The following DRC11L variants were observed in gnomAD, a reference collection of about 807,000 sequenced individuals.
The protein encoded by DRC11L is dynein regulatory complex subunit like-11.
chr7:151,198,227 T>C, the DRC11L span, among the ~76,000 whole-genome samples: 1 of 126,392 alleles, frequency 7.9e-6, no homozygotes, highest in African/African-American at 3.1e-5. Context: ...GATGGACAGA[T>C]GGATAGACAG....
At chr7:151,204,044 G>A in the DRC11L span, among the ~76,000 whole-genome samples, 26 of 152,176 alleles carry the variant, frequency 1.7e-4, no homozygotes, top group Admixed American at 6.5e-4. Flanking sequence ...TAAAAATGCA[G>A]GTGCAGATTT....
chr7:151,197,113 C>T, the DRC11L span: 1 of 396,874 alleles, frequency 2.5e-6, no homozygotes, highest in East Asian at 3.6e-5. Context: ...AGACTCTGGC[C>T]CTAATCTTAC....
At chr7:151,205,471 C>T in the DRC11L span, 7 of 399,070 alleles carry the variant, frequency 1.8e-5, no homozygotes, top group South Asian at 1.3e-4. Flanking sequence ...CACTCCTCCA[C>T]GCTGCCCCTT....
the DRC11L span, among the ~76,000 whole-genome samples, chr7:151,199,702 C>T: frequency 6.6e-6 from 1 of 152,110 alleles, no homozygotes; most frequent in East Asian, 1.9e-4. This position sits in a 1 kb window ranked among gnomAD's most constrained non-coding sequence, Gnocchi z 5.2. Context: ...CCTCCAATCC[C>T]TCCAGTCCCC....
At chr7:151,198,838 T>C in the DRC11L span, 1 of 399,096 alleles carries the variant, frequency 2.5e-6, no homozygotes, top group Non-Finnish European at 4.4e-6. Context: ...TCCTTCATTT[T>C]CTCCTTCATG....
the DRC11L span, chr7:151,192,945 C>T: frequency 2.5e-6 from 1 of 398,286 alleles, no homozygotes. Flanking sequence ...ACCTTGGAGC[C>T]CCGTCTCCAC....
chr7:151,191,568 G>A, the DRC11L span: 1,382 of 398,650 alleles, frequency 3.5e-3, 16 homozygotes, highest in African/African-American at 0.024. Flanking sequence ...AGAGGGGTCC[G>A]AGTTGTGCTT....
At chr7:151,200,607 C>T in the DRC11L span, among the ~76,000 whole-genome samples, 1 of 152,100 alleles carries the variant, frequency 6.6e-6, no homozygotes, top group Non-Finnish European at 1.5e-5. Context: ...CAGGTGCACA[C>T]TGAGCACAAA....
the DRC11L span, among the ~76,000 whole-genome samples, chr7:151,199,173 A>G: frequency 7.2e-5 from 11 of 152,170 alleles, no homozygotes; most frequent in African/African-American, 1.7e-4. This position sits in a 1 kb window ranked among gnomAD's most constrained non-coding sequence, Gnocchi z 5.2. Context: ...GCATGCCTGC[A>G]TCGGGAGAAA....
chr7:151,193,933 G>C, the DRC11L span, among the ~76,000 whole-genome samples: 2 of 151,936 alleles, frequency 1.3e-5, no homozygotes, highest in Non-Finnish European at 2.9e-5. Flanking sequence ...GGAAGGCATG[G>C]GATAAATCAC....
chr7:151,201,058 C>T, the DRC11L span, among the ~76,000 whole-genome samples: 6 of 152,372 alleles, frequency 3.9e-5, no homozygotes, highest in Non-Finnish European at 8.8e-5. The surrounding 1 kb of genome is among the most constrained non-coding windows in gnomAD (Gnocchi z 4.1). Flanking sequence ...CGTCCTCTTT[C>T]TCCCAGGCCC....
the DRC11L span, among the ~76,000 whole-genome samples, chr7:151,201,048 C>A: frequency 6.6e-6 from 1 of 152,164 alleles, no homozygotes; most frequent in African/African-American, 2.4e-5. The surrounding 1 kb of genome is among the most constrained non-coding windows in gnomAD (Gnocchi z 4.1). Context: ...GAGCTGGACG[C>A]GTCCTCTTTC....
At chr7:151,191,589 A>C in the DRC11L span, 1 of 398,602 alleles carries the variant, frequency 2.5e-6, no homozygotes, top group Non-Finnish European at 4.4e-6. Context: ...CAGGGGGCTG[A>C]CTCCCCAAGG....
chr7:151,201,982 A>G, the DRC11L span, among the ~76,000 whole-genome samples: 2 of 152,226 alleles, frequency 1.3e-5, no homozygotes, highest in African/African-American at 4.8e-5. The surrounding 1 kb of genome is among the most constrained non-coding windows in gnomAD (Gnocchi z 4.1). Context: ...ATCAAGGCCA[A>G]CAGCAGAGGC....
chr7:151,197,735 C>T, the DRC11L span: 1 of 393,400 alleles, frequency 2.5e-6, no homozygotes, highest in Non-Finnish European at 4.5e-6. Context: ...TTGAGGCTGA[C>T]CCCCTACCCC....
At chr7:151,204,513 G>C in the DRC11L span, 1 of 398,836 alleles carries the variant, frequency 2.5e-6, no homozygotes, top group Non-Finnish European at 4.4e-6. Context: ...ACGTACTGGG[G>C]TGAGCTTGAA....
chr7:151,195,219 A>G, the DRC11L span, among the ~76,000 whole-genome samples: 2 of 152,164 alleles, frequency 1.3e-5, no homozygotes, highest in Non-Finnish European at 2.9e-5. Context: ...TCACGTACAG[A>G]GCCCTTTCTT....
chr7:151,191,756 G>A, the DRC11L span: 12 of 399,182 alleles, frequency 3.0e-5, no homozygotes, highest in South Asian at 6.4e-4. Flanking sequence ...ACTCAGCACC[G>A]ATTGGATGGC....
chr7:151,198,135 TAGAC>T, the DRC11L span, among the ~76,000 whole-genome samples: 1 of 146,968 alleles, frequency 6.8e-6, no homozygotes, highest in African/African-American at 2.6e-5. Context: ...GATGGAAGGA[TAGAC>T]AGAGAGGTGG....
Sources: allele counts gnomAD v4.1 joint callset (sites outside exome capture counted in the v4.1 genomes callset), GRCh38; gene constraint gnomAD v4.1.1; non-coding constraint Gnocchi (gnomAD v3.1); transcripts MANE v1.5; gene names NCBI Gene and HGNC (gene_info 2026-07-23, HGNC 2026-07-21).